The following PCDHGB4 variants were observed in gnomAD, a reference collection of about 807,000 sequenced individuals.
The protein encoded by PCDHGB4 is protocadherin gamma subfamily B, 4.
In PCDHGB4, 38 loss-of-function variants were observed where a neutral mutation model predicts 60.5. That is an observed-to-expected ratio of 0.63 (90% CI 0.48 to 0.82). The LOEUF is 0.82. PCDHGB4 is among the 40% of genes least tolerant of loss of function. The pLI, the probability that PCDHGB4 is intolerant of heterozygous loss-of-function variation, is 0.00. For synonymous variants in PCDHGB4, 456 were observed against 509.7 expected, an observed-to-expected ratio of 0.89 and a Z score of 1.42; for missense variants, 1,109 against 1,209.6, an observed-to-expected ratio of 0.92 and a Z score of 1.23.
In PCDHGB4 at chr5:141,511,216, C is replaced by A. The variant is rs374915167; in HGVS notation, c.*43C>A. On this transcript the variant is annotated 3_prime_UTR_variant, in exon 4 of 4. Coordinates refer to ENST00000519479, the MANE Select transcript of PCDHGB4 (RefSeq NM_003736.4). Reference sequence around the variant, plus strand: ...GAGCCACAGGGCGGCCTCTCCCCAACCAGCCCAGCTTCTCCTTACCTGCAC... The same window carrying A: ...GAGCCACAGGGCGGCCTCTCCCCAAACAGCCCAGCTTCTCCTTACCTGCAC... The A allele has an allele frequency of 6.2e-7, 1 of 1,608,004 alleles. No homozygotes were observed. The highest frequency in any genetic ancestry group is 1.3e-5 in the African/African-American group (1 of 74,736).
Position 141,491,445 on chromosome 5 carries a change from C to G in PCDHGB4, c.2398-3362C>G. ...GAGGGCAGTGCTGCAGGCGCCAGGACTCACCCTCCCCGGACTTCTATAAGC... is the reference window on the plus strand; with the variant it reads ...GAGGGCAGTGCTGCAGGCGCCAGGAGTCACCCTCCCCGGACTTCTATAAGC... On this transcript the variant is annotated intron_variant, in intron 1 of 3. Coordinates refer to ENST00000519479, the MANE Select transcript of PCDHGB4 (RefSeq NM_003736.4). This position sits in a 1 kb window ranked among gnomAD's most constrained non-coding sequence, Gnocchi z 6.9. 6.2e-7 allele frequency: 1 copy of G among 1,614,112 alleles called. No individual in the cohort carries two copies. Among genetic ancestry groups the G allele is most frequent in the Non-Finnish European group, 8.5e-7 (1 of 1,180,032 alleles).
At position 141,399,851 on chromosome 5, in the gene PCDHGB4, C is replaced by G. The variant is rs971471583; in HGVS notation, c.2397+9570C>G. 7 of 1,612,832 alleles carry G rather than the reference C, an allele frequency of 4.3e-6. No individual in the cohort carries two copies. In the African/African-American group the frequency reaches 6.7e-5, roughly 15 times the overall value. Reference sequence around the variant, plus strand: ...GGCTCTGCGCTCTTCGATATGGTGCCGCGCGCTGCAGAGCCCGGCTACCTG... The same window carrying G: ...GGCTCTGCGCTCTTCGATATGGTGCGGCGCGCTGCAGAGCCCGGCTACCTG... On this transcript the variant is annotated intron_variant, in intron 1 of 3. Coordinates refer to ENST00000519479, the MANE Select transcript of PCDHGB4 (RefSeq NM_003736.4).
chr5:141,418,754 G>A (rs748707880), intron 1 of PCDHGB4: 1 of 1,613,926 alleles, frequency 6.2e-7, no homozygotes, highest in South Asian at 1.1e-5. Context: ...TTACACTACA[G>A]GAAACATTCT....
Position 141,432,949 on chromosome 5 carries a change from C to T in PCDHGB4, c.2397+42668C>T. 1.2e-6 allele frequency: 2 copies of T among 1,614,184 alleles called. No homozygotes were observed. Among genetic ancestry groups the T allele is most frequent in the Non-Finnish European group, 1.7e-6 (2 of 1,180,040 alleles). On this transcript the variant is annotated intron_variant, in intron 1 of 3. Coordinates refer to ENST00000519479, the MANE Select transcript of PCDHGB4 (RefSeq NM_003736.4). This position sits in a 1 kb window ranked among gnomAD's most constrained non-coding sequence, Gnocchi z 6.0. Reference sequence around the variant, plus strand: ...CACGCCTGCTGCAGGCTTCAGGAGGCGGCTTGACAGGAGCGCCGGCGTCGC... The same window carrying T: ...CACGCCTGCTGCAGGCTTCAGGAGGTGGCTTGACAGGAGCGCCGGCGTCGC...
Position 141,476,755 on chromosome 5 carries a change from G to A in PCDHGB4, c.2398-18052G>A, listed in dbSNP as rs1307512875. The stretch of plus-strand genomic sequence containing the variant: ...AACGGGAGCCTAGTCTCCAGTTAGT[G>A]CTGACGGCGTTGGACGGAGGGACCC... On this transcript the variant is annotated intron_variant, in intron 1 of 3. Coordinates refer to ENST00000519479, the MANE Select transcript of PCDHGB4 (RefSeq NM_003736.4). This position sits in a 1 kb window ranked among gnomAD's most constrained non-coding sequence, Gnocchi z 7.6. 1.2e-6 allele frequency: 2 copies of A among 1,613,828 alleles called. No homozygotes were observed. Among genetic ancestry groups the A allele is most frequent in the Non-Finnish European group, 1.7e-6 (2 of 1,180,036 alleles).
chr5:141,434,547 A>G (rs1277148299), intron 1 of PCDHGB4, among the ~76,000 whole-genome samples: 1 of 152,232 alleles, frequency 6.6e-6, no homozygotes, highest in East Asian at 1.9e-4. Context: ...AGCATGAGTG[A>G]TCTGTGCCTT....
intron 1 of PCDHGB4, among the ~76,000 whole-genome samples, chr5:141,434,192 A>G (rs2097676888): frequency 6.6e-6 from 1 of 152,194 alleles, no homozygotes; most frequent in Non-Finnish European, 1.5e-5. Context: ...TGTAATTCCA[A>G]TGTACTTACT....
chr5:141,400,168 C>G, intron 1 of PCDHGB4: 1 of 1,614,088 alleles, frequency 6.2e-7, no homozygotes, highest in South Asian at 1.1e-5. Context: ...CTCTGACCCC[C>G]AGGCTGAGCT....
At chr5:141,418,800 GAT>G (rs777421725) in intron 1 of PCDHGB4, 1 of 1,613,800 alleles carries the variant, frequency 6.2e-7, no homozygotes, top group Non-Finnish European at 8.5e-7. Flanking sequence ...GAAGTAGAAA[GAT>G]ATACGATAAA....
intron 1 of PCDHGB4, chr5:141,433,358 C>CCTATCTATCTATCTATCTATCTAT: frequency 9.9e-6 from 5 of 503,368 alleles, no homozygotes; most frequent in South Asian, 2.6e-5. Flanking sequence ...CTACTGTCTG[C>CCTATCTATCTATCTATCTATCTAT]CTATCTATCT....
Position 141,494,842 on chromosome 5 carries a change from G to A in PCDHGB4, c.2433G>A (p.Gln811=). 1 of 1,614,116 alleles carries A rather than the reference G, an allele frequency of 6.2e-7. No homozygotes were observed. Among genetic ancestry groups the A allele is most frequent in the Non-Finnish European group, 8.5e-7 (1 of 1,180,018 alleles). The change falls in exon 2 of 4, where the codon CAG becomes CAA. Residue 811 remains glutamine, a synonymous_variant. Coordinates refer to ENST00000519479, the MANE Select transcript of PCDHGB4 (RefSeq NM_003736.4). ...APPNTDWRFS[Q]AQRPGTSGSQ... is the part of the protein sequence containing the mutation. ...CCAACACGGACTGGCGTTTCTCTCA[G>A]GCCCAGAGACCCGGCACCAGCGGGT... is the stretch of plus-strand genomic sequence containing the variant.
chr5:141,511,403 A>C lies in PCDHGB4; in HGVS notation c.*230A>C. On this transcript the variant is annotated 3_prime_UTR_variant, in exon 4 of 4. Coordinates refer to ENST00000519479, the MANE Select transcript of PCDHGB4 (RefSeq NM_003736.4). Reference sequence around the variant, plus strand: ...TCCGCTGGGAACCCCCATCCAATCAACTGCTGTACCCATGGGGGTAGTGGG... The same window carrying C: ...TCCGCTGGGAACCCCCATCCAATCACCTGCTGTACCCATGGGGGTAGTGGG... 8.5e-6 allele frequency: 8 copies of C among 939,018 alleles called. No individual in the cohort carries two copies. The highest frequency in any genetic ancestry group is 1.2e-5 in the Non-Finnish European group (8 of 650,834). The allele number at this position is 939,018 out of a possible 1,614,324, so 58.2% of individuals were successfully genotyped here. A position where few individuals can be genotyped will look rare whatever the true frequency, so the allele number is the denominator to read the frequency against.
At chr5:141,393,721 T>C (rs769235037) in intron 1 of PCDHGB4, 26 of 1,613,752 alleles carry the variant, frequency 1.6e-5, no homozygotes, top group African/African-American at 8.0e-5. Context: ...GAAATATCAA[T>C]AGCAAAAAGT....
chr5:141,457,417 CT>C lies in PCDHGB4; in HGVS notation c.2398-37385del, dbSNP rs894846890. On this transcript the variant is annotated intron_variant, in intron 1 of 3. Transcript: ENST00000519479. ...ATTCACATTTTCACATTACCCATCC[CT>C]TTTTCCCCCCCACCAAGCTGCAGAA... Among the ~76,000 whole-genome samples, 3 of 152,296 alleles carry C rather than the reference CT, an allele frequency of 2.0e-5. No individual in the cohort carries two copies. In the South Asian group the frequency reaches 6.2e-4, roughly 32 times the overall value.
At chr5:141,445,207 AAAGT>A (rs1322618652) in intron 1 of PCDHGB4, among the ~76,000 whole-genome samples, 1 of 152,196 alleles carries the variant, frequency 6.6e-6, no homozygotes, top group Non-Finnish European at 1.5e-5. Flanking sequence ...ATGCTTTTGA[AAAGT>A]AAGAGGTGCA....
chr5:141,420,277 A>C, intron 1 of PCDHGB4: 1 of 1,518,166 alleles, frequency 6.6e-7, no homozygotes, highest in Non-Finnish European at 8.9e-7. Flanking sequence ...TTAAACAGGT[A>C]AGTATTTAAA....
intron 1 of PCDHGB4, chr5:141,390,721 T>G (rs1454628810): frequency 5.1e-6 from 1 of 195,622 alleles, no homozygotes; most frequent in African/African-American, 2.4e-5. Context: ...CTTAACTAAT[T>G]TAACTGGTAT....
chr5:141,494,764 T>A (rs773955144), intron 1 of PCDHGB4, 43 bp from the exon 2 acceptor site: 1 of 1,613,932 alleles, frequency 6.2e-7, no homozygotes, highest in Non-Finnish European at 8.5e-7. Context: ...ACATTCTAAC[T>A]TCTCACGGGT....
chr5:141,476,049 C>T lies in PCDHGB4; in HGVS notation c.2398-18758C>T. 2.0e-6 allele frequency: 3 copies of T among 1,501,848 alleles called. No homozygotes were observed. The South Asian group carries it at 4.0e-5, about 20-fold the overall frequency. 93.0% of individuals were successfully genotyped at this position (1,501,848 alleles called of 1,614,324 possible). ...CGCCCAGCGCCCAAGCGCTAACCCG[C>T]TGAAAGTTTCTCAGCGAAATCTCAG... On this transcript the variant is annotated intron_variant, in intron 1 of 3. Coordinates refer to ENST00000519479, the MANE Select transcript of PCDHGB4 (RefSeq NM_003736.4). This position sits in a 1 kb window ranked among gnomAD's most constrained non-coding sequence, Gnocchi z 7.6.
Sources: gnomAD v4.1 joint callset for allele counts (sites outside exome capture counted in the v4.1 genomes callset) on GRCh38, gnomAD v4.1.1 for gene constraint, Gnocchi (gnomAD v3.1) non-coding constraint, MANE v1.5 for transcripts, NCBI Gene and HGNC (gene_info 2026-07-23, HGNC 2026-07-21) for gene names.